Variants in C2orf76 observed in about 807,000 individuals in gnomAD.
C2orf76 encodes UPF0538 protein C2orf76.
C2orf76 carries 23 observed loss-of-function variants against 16.9 expected under a neutral mutation model. That is an observed-to-expected ratio of 1.36 (90% CI 0.98 to 1.93). The LOEUF (loss-of-function observed/expected upper bound fraction) is 1.93, where lower values mean the gene tolerates loss of function less well. Ranked by LOEUF, C2orf76 falls within the 30% of genes most tolerant of loss-of-function variation. C2orf76 has a pLI of 0.00. For synonymous variants in C2orf76, 48 were observed against 52.3 expected (o/e 0.92, Z 0.35); for missense variants, 152 against 152.6 (o/e 1.00, Z 0.02).
At chr2:119,319,210 C>A (rs1045088361) in intron 3 of C2orf76, among the ~76,000 whole-genome samples, 35 of 152,046 alleles carry the variant, frequency 2.3e-4, no homozygotes, top group African/African-American at 8.5e-4. Context: ...TCCTGCTGCT[C>A]TAATAGGTTT....
chr2:119,331,509 C>G (rs774453458), intron 2 of C2orf76, among the ~76,000 whole-genome samples: 1 of 152,180 alleles, frequency 6.6e-6, no homozygotes, highest in Non-Finnish European at 1.5e-5. Context: ...CTTCAAAGAT[C>G]CTCTGCAAAT....
the C2orf76 span, among the ~76,000 whole-genome samples, chr2:119,289,616 G>A: frequency 2.0e-5 from 3 of 151,726 alleles, no homozygotes; most frequent in Non-Finnish European, 4.4e-5. Context: ...AACCCAGGAG[G>A]CGGAGGTTGC....
At chr2:119,322,124 AT>A (rs1034265797) in intron 2 of C2orf76, among the ~76,000 whole-genome samples, 42 of 152,194 alleles carry the variant, frequency 2.8e-4, no homozygotes, top group Non-Finnish European at 4.3e-4. Context: ...ATATGTGTAT[AT>A]ATATATATAT....
intron 2 of C2orf76, among the ~76,000 whole-genome samples, chr2:119,335,826 A>G (rs1435992782): frequency 6.6e-6 from 1 of 152,226 alleles, no homozygotes; most frequent in Non-Finnish European, 1.5e-5. Flanking sequence ...TCAAAAATCC[A>G]TAAGCCCAGT....
downstream of C2orf76, among the ~76,000 whole-genome samples, chr2:119,298,489 T>G (rs1462013429): frequency 6.6e-6 from 1 of 152,038 alleles, no homozygotes; most frequent in Non-Finnish European, 1.5e-5. Flanking sequence ...CTGAATCTAT[T>G]TTGACATCTA....
intron 4 of C2orf76, among the ~76,000 whole-genome samples, chr2:119,317,005 G>A (rs1156993028): frequency 6.6e-6 from 1 of 152,210 alleles, no homozygotes; most frequent in Non-Finnish European, 1.5e-5. Context: ...GCTAAAAGGT[G>A]TGTTCCCAGA....
intron 2 of C2orf76, among the ~76,000 whole-genome samples, chr2:119,323,068 A>T (rs1679397564): frequency 6.6e-6 from 1 of 152,084 alleles, no homozygotes; most frequent in Non-Finnish European, 1.5e-5. Flanking sequence ...CCCAGGCTAG[A>T]GTGCAGGGAT....
chr2:119,335,224 T>G (rs900385173), intron 2 of C2orf76, among the ~76,000 whole-genome samples: 2 of 152,186 alleles, frequency 1.3e-5, no homozygotes, highest in Non-Finnish European at 2.9e-5. Context: ...TGAGACAGTT[T>G]AAAATAACAC....
intron 2 of C2orf76, among the ~76,000 whole-genome samples, chr2:119,336,610 T>C (rs1423240729): frequency 5.3e-5 from 8 of 151,934 alleles, no homozygotes; most frequent in Admixed American, 5.2e-4. Context: ...GGTTAACCTG[T>C]GGATGGCAAA....
At chr2:119,309,065 GTTA>G (rs1678890557) in intron 5 of C2orf76, among the ~76,000 whole-genome samples, 2 of 152,142 alleles carry the variant, frequency 1.3e-5, no homozygotes, top group Admixed American at 6.5e-5. Context: ...TCTGGACTCT[GTTA>G]TTTTCATAGA....
intron 1 of C2orf76, among the ~76,000 whole-genome samples, chr2:119,348,046 C>CAAAAAAAAAAAAAAAAAAAAAAAAAAT (rs1205382710): frequency 1.2e-5 from 1 of 81,988 alleles, no homozygotes. Context: ...GGCTCTGTCT[C>CAAAAAAAAAAAAAAAAAAAAAAAAAAT]AAAAAAAAAA....
intron 2 of C2orf76, among the ~76,000 whole-genome samples, chr2:119,331,525 G>C (rs1430856283): frequency 8.5e-5 from 13 of 152,086 alleles, no homozygotes; most frequent in African/African-American, 2.4e-5. Context: ...CAAATCTTCA[G>C]AGCTCCCCAT....
At chr2:119,364,090 G>C (rs1273569264) in intron 1 of C2orf76, among the ~76,000 whole-genome samples, 2 of 151,906 alleles carry the variant, frequency 1.3e-5, no homozygotes, top group Non-Finnish European at 2.9e-5. Context: ...GGGAGGGAGA[G>C]AGAGGTAGGG....
At chr2:119,293,897 GGAGT>G in the C2orf76 span, among the ~76,000 whole-genome samples, 1 of 151,876 alleles carries the variant, frequency 6.6e-6, no homozygotes, top group African/African-American at 2.4e-5. Flanking sequence ...AGGCTCAGCT[GGAGT>G]GTGTTATCAT....
chr2:119,353,847 G>A, intron 1 of C2orf76, among the ~76,000 whole-genome samples: 1 of 152,138 alleles, frequency 6.6e-6, no homozygotes, highest in East Asian at 1.9e-4. Context: ...ACAGCTGTGA[G>A]CCACCACGCC....
At chr2:119,281,257 G>C in the C2orf76 span, among the ~76,000 whole-genome samples, 1 of 152,108 alleles carries the variant, frequency 6.6e-6, no homozygotes, top group African/African-American at 2.4e-5. Context: ...TATCTTTTCT[G>C]CTCCTCTCCC....
chr2:119,333,080 G>T (rs531855553), intron 2 of C2orf76, among the ~76,000 whole-genome samples: 1 of 152,276 alleles, frequency 6.6e-6, no homozygotes, highest in South Asian at 2.1e-4. Flanking sequence ...ATTAAAGAAT[G>T]CGCAGCACAT....
chr2:119,302,513 C>G lies in C2orf76; in HGVS notation c.340G>C (p.Asp114His). 1 of 1,511,460 alleles carries G rather than the reference C, an allele frequency of 6.6e-7. No homozygotes were observed. The highest frequency in any genetic ancestry group is 9.0e-7 in the Non-Finnish European group (1 of 1,115,402). The allele number at this position is 1,511,460 out of a possible 1,614,324, so 93.6% of individuals were successfully genotyped here. A position where few individuals can be genotyped will look rare whatever the true frequency, so the allele number is the denominator to read the frequency against. ...ETEIAFFCEEDYKNYKANPIS... is the reference protein window; with the variant it reads ...ETEIAFFCEEHYKNYKANPIS... ...GGATTAGCTTTGTAGTTCTTATAAT[C>G]TTCTTCACAGAAGAATGCAATTTCA... Residue 114 changes from aspartate to histidine, a missense_variant, in exon 6 of 6, where the codon GAT becomes CAT. Transcript: ENST00000334816.
chr2:119,351,704 A>G (rs1224621383), intron 1 of C2orf76, among the ~76,000 whole-genome samples: 2 of 152,104 alleles, frequency 1.3e-5, no homozygotes, highest in Non-Finnish European at 2.9e-5. Flanking sequence ...CAGTGAGCCA[A>G]GATTGCACCA....
Sources: gnomAD v4.1 joint callset for allele counts (sites outside exome capture counted in the v4.1 genomes callset) on GRCh38, gnomAD v4.1.1 for gene constraint, MANE v1.5 for transcripts, NCBI Gene and HGNC (gene_info 2026-07-23, HGNC 2026-07-21) for gene names.